The following DOCK9 variants were observed in gnomAD, a reference collection of about 807,000 sequenced individuals.
DOCK9 encodes the protein dedicator of cytokinesis 9, also known as dedicator of cytokinesis protein 9.
DOCK9 carries 89 observed loss-of-function variants against 263.3 expected under a neutral mutation model. The ratio of observed to expected loss-of-function variants is 0.34; its 90% confidence interval spans 0.28 to 0.40. The LOEUF (loss-of-function observed/expected upper bound fraction) is 0.40. Among genes scored for constraint, DOCK9 ranks in the 10% least tolerant of loss-of-function variants. The probability of loss-of-function intolerance (pLI) is 1.00; values close to 1 mark genes in which losing one functional copy is unlikely to be tolerated. For missense variants in DOCK9, 2,140 were observed against 2,603.4 expected, an observed-to-expected ratio of 0.82 and a Z score of 3.87; for synonymous variants, 976 against 973.1, an observed-to-expected ratio of 1.00 and a Z score of -0.06.
chr13:98,951,841 C>T (rs1268955460), intron 2 of DOCK9, among the ~76,000 whole-genome samples: 1 of 152,090 alleles, frequency 6.6e-6, no homozygotes, highest in African/African-American at 2.4e-5. Flanking sequence ...CGGCTGCAGG[C>T]CCCATGGCAT....
At chr13:98,904,303 A>G (rs571482508) in intron 10 of DOCK9, among the ~76,000 whole-genome samples, 3 of 152,358 alleles carry the variant, frequency 2.0e-5, no homozygotes, top group Admixed American at 2.0e-4. Flanking sequence ...GTCGGGAATT[A>G]TCACTGACTC....
At chr13:98,804,971 G>A (rs369454900) in intron 49 of DOCK9, 28 bp downstream of exon 49, 42 of 1,572,424 alleles carry the variant, frequency 2.7e-5, no homozygotes, top group South Asian at 1.4e-4. Flanking sequence ...GTCCGGGCTC[G>A]TGTCCATGCG....
At chr13:98,951,914 T>TTTTTTTTTTA (rs2057467177) in intron 2 of DOCK9, among the ~76,000 whole-genome samples, 2 of 151,328 alleles carry the variant, frequency 1.3e-5, no homozygotes, top group African/African-American at 2.4e-5. Context: ...TTTTTTTTTT[T>TTTTTTTTTTA]GAGATGGAGT....
chr13:98,985,361 T>C (rs150070390), intron 1 of DOCK9, among the ~76,000 whole-genome samples: 352 of 151,100 alleles, frequency 2.3e-3, no homozygotes, highest in African/African-American at 7.9e-3. Context: ...CCATCTGGCA[T>C]CCTATTCTAC....
At chr13:98,904,296 G>A (rs779522467) in intron 10 of DOCK9, among the ~76,000 whole-genome samples, 13 of 152,266 alleles carry the variant, frequency 8.5e-5, no homozygotes, top group South Asian at 2.1e-4. Context: ...TGGGCTAGTC[G>A]GGAATTATCA....
In DOCK9 at chr13:98,881,910, ACTT is replaced by A; in HGVS notation, c.2654_2656del (p.Glu885del). ...CCCTTACCGAGTCACGTTAACCGCGACTTCTTCCTGTGTGGCTCTGGTGAGGAC... is the reference window on the plus strand; with the variant it reads ...CCCTTACCGAGTCACGTTAACCGCGACTTCCTGTGTGGCTCTGGTGAGGAC... On this transcript the variant is annotated inframe_deletion, in exon 24 of 53. Coordinates refer to ENST00000682017, the MANE Select transcript of DOCK9 (RefSeq NM_001366683.2). 2 of 1,586,078 alleles carry A rather than the reference ACTT, an allele frequency of 1.3e-6. No individual in the cohort carries two copies. Among genetic ancestry groups the A allele is most frequent in the Non-Finnish European group, 1.7e-6 (2 of 1,165,814 alleles).
chr13:98,860,584 T>C, intron 32 of DOCK9, 62 bp from the exon 33 acceptor site: 1 of 1,469,770 alleles, frequency 6.8e-7, no homozygotes. Context: ...TCCCCTGTTC[T>C]TGGAAGTGCC....
At chr13:98,870,885 AC>A (rs2094166924) in intron 27 of DOCK9, among the ~76,000 whole-genome samples, 1 of 138,500 alleles carries the variant, frequency 7.2e-6, no homozygotes, top group South Asian at 2.5e-4. Context: ...ACTTTCTTCA[AC>A]AAATATGTTG....
chr13:98,795,268 C>G (rs1374499275), intron 52 of DOCK9, among the ~76,000 whole-genome samples: 1 of 152,220 alleles, frequency 6.6e-6, no homozygotes, highest in Non-Finnish European at 1.5e-5. Context: ...TTGTGTTTCT[C>G]TCCTGCCTCC....
intron 45 of DOCK9, among the ~76,000 whole-genome samples, chr13:98,818,010 G>T (rs2092013060): frequency 6.6e-6 from 1 of 152,044 alleles, no homozygotes; most frequent in African/African-American, 2.4e-5. Context: ...TAGTTTATCA[G>T]TCCAAATATC....
chr13:98,926,786 G>A (rs1473523929), intron 3 of DOCK9, among the ~76,000 whole-genome samples: 2 of 152,104 alleles, frequency 1.3e-5, no homozygotes, highest in Non-Finnish European at 2.9e-5. Flanking sequence ...CAGTGTGGGT[G>A]GAAAAAAAGC....
At chr13:99,013,449 C>T (rs993721160) in intron 1 of DOCK9, among the ~76,000 whole-genome samples, 2 of 152,194 alleles carry the variant, frequency 1.3e-5, no homozygotes, top group Non-Finnish European at 2.9e-5. Flanking sequence ...TATAAGTGTA[C>T]TCCTAGTAAC....
chr13:98,950,730 A>G (rs527650567), intron 2 of DOCK9, among the ~76,000 whole-genome samples: 1 of 152,318 alleles, frequency 6.6e-6, no homozygotes, highest in African/African-American at 2.4e-5. Context: ...ACTACTCACT[A>G]CCTTTCTCAT....
intron 1 of DOCK9, among the ~76,000 whole-genome samples, chr13:99,042,090 T>A (rs745799093): frequency 6.6e-6 from 1 of 152,216 alleles, no homozygotes; most frequent in African/African-American, 2.4e-5. Flanking sequence ...GGGACCAATA[T>A]GGTTAACATG....
intron 45 of DOCK9, among the ~76,000 whole-genome samples, chr13:98,815,833 G>T (rs1479441045): frequency 6.6e-6 from 1 of 152,070 alleles, no homozygotes; most frequent in African/African-American, 2.4e-5. Flanking sequence ...AGTAAGCCAT[G>T]GTCCACACAG....
chr13:99,013,497 AT>A (rs1372360912), intron 1 of DOCK9, among the ~76,000 whole-genome samples: 1 of 152,198 alleles, frequency 6.6e-6, no homozygotes. Context: ...TTATGCTGTT[AT>A]TCTGGACAAA....
Position 99,035,878 on chromosome 13 carries a change from C to T in DOCK9, c.129+50345G>A, listed in dbSNP as rs561781219. Among the ~76,000 whole-genome samples the T allele has an allele frequency of 8.5e-5, 13 of 152,176 alleles. 1 individual carries two copies. In the East Asian group the frequency reaches 2.5e-3, roughly 29 times the overall value. On this transcript the variant is annotated intron_variant, in intron 1 of 32. Coordinates refer to the DOCK9 transcript ENST00000427887. ...TAGACTGAGTAAAACAGATTGCCCT[C>T]CATAATCTGGGAGGGCCTCATCCAA...
intron 1 of DOCK9, among the ~76,000 whole-genome samples, chr13:99,062,069 G>A (rs570133905): frequency 4.0e-5 from 6 of 151,808 alleles, no homozygotes; most frequent in Non-Finnish European, 2.9e-5. Context: ...ACGGGCTCTC[G>A]CTATGTTGCT....
intron 9 of DOCK9, among the ~76,000 whole-genome samples, chr13:98,905,776 C>T (rs1183367554): frequency 1.5e-5 from 1 of 66,810 alleles, no homozygotes; most frequent in Non-Finnish European, 3.4e-5. Flanking sequence ...CTTGCTTTCA[C>T]TTAAAAAAAA....
Sources: allele counts gnomAD v4.1 joint callset (sites outside exome capture counted in the v4.1 genomes callset), GRCh38; gene constraint gnomAD v4.1.1; transcripts MANE v1.5; gene names NCBI Gene and HGNC (gene_info 2026-07-23, HGNC 2026-07-21).